LUZP4: variants seen among roughly 807,000 people sequenced by gnomAD.
LUZP4 encodes leucine zipper protein 4.
In LUZP4, 11 loss-of-function variants were observed where a neutral mutation model predicts 8.5. The ratio of observed to expected loss-of-function variants is 1.30; its 90% CI spans 0.82 to 2.14. The LOEUF is 2.14. Ranked by LOEUF, LUZP4 falls within the 30% of genes most tolerant of loss-of-function variation. LUZP4 has a pLI of 0.00. For missense variants in LUZP4, 276 were observed against 229.7 expected (o/e 1.20, Z -1.30); for synonymous variants, 104 against 79.4 (o/e 1.31, Z -1.65).
chrX:115,302,141 T>A lies in LUZP4; in HGVS notation c.223+18T>A. 8.7e-7 allele frequency: 1 copy of A among 1,149,492 alleles called. No homozygotes were observed. Among genetic ancestry groups the A allele is most frequent in the Non-Finnish European group, 1.2e-6 (1 of 866,341 alleles). 94.7% of individuals were successfully genotyped at this position (1,149,492 alleles called of 1,213,427 possible). On this transcript the variant is annotated intron_variant, in intron 2 of 3. Transcript: ENST00000371920. ...TCGGAGAGGTAAAGTATGCTGAAAA[T>A]AGTCACACGTGGTAAAAAGAGTCTG...
At chrX:115,292,851 T>G (rs781989584) in intron 1 of LUZP4, among the ~76,000 whole-genome samples, 4 of 111,198 alleles carry the variant, frequency 3.6e-5, no homozygotes, top group African/African-American at 1.3e-4. Context: ...CTAAGTATTT[T>G]TTGTTGTTGT....
At position 115,306,590 on chromosome X, in the gene LUZP4, G is replaced by A. The variant is rs1556604205; in HGVS notation, c.728G>A (p.Ser243Asn). Residue 243 changes from serine to asparagine, a missense_variant, in exon 4 of 4, where the codon AGT becomes AAT. By Grantham distance (46) the Ser-to-Asn change is conservative (BLOSUM62 1). Coordinates refer to ENST00000371920, the MANE Select transcript of LUZP4 (RefSeq NM_016383.5). Reference protein sequence around the residue: ...RSQGDLVDTQSDLIATQRDLI... With the variant: ...RSQGDLVDTQNDLIATQRDLI... ...CAGGGAGATCTTGTGGACACTCAGA[G>A]TGATCTCATAGCCACTCAGAGAGAT... 8.3e-7 allele frequency: 1 copy of A among 1,206,640 alleles called. No homozygotes were observed. Among genetic ancestry groups the A allele is most frequent in the African/African-American group, 1.8e-5 (1 of 56,283 alleles).
chrX:115,293,516 G>A (rs782279636), intron 1 of LUZP4, among the ~76,000 whole-genome samples: 3 of 110,641 alleles, frequency 2.7e-5, no homozygotes, highest in Admixed American at 1.9e-4. Flanking sequence ...GGGCTCAAGC[G>A]ATCCATCCAC....
intron 1 of LUZP4, among the ~76,000 whole-genome samples, chrX:115,300,920 G>T (rs1159920865): frequency 2.7e-5 from 3 of 111,009 alleles, no homozygotes; most frequent in African/African-American, 9.8e-5. Context: ...TTATGAAGGT[G>T]TTTTTTTCTG....
In LUZP4 at chrX:115,302,078, C is replaced by T; in HGVS notation, c.178C>T (p.Pro60Ser). Residue 60 changes from proline (P) to serine (S), a missense_variant, in exon 2 of 4, where the codon CCT becomes TCT. Pro to Ser is a moderately conservative substitution (Grantham distance 74). Transcript: ENST00000371920. ...KRQNHSKKES[P>S]SRQQSKAHRH... ...ACAGAACCATAGTAAAAAGGAATCGCCTTCAAGACAGCAATCAAAAGCTCA... is the reference window on the plus strand; with the variant it reads ...ACAGAACCATAGTAAAAAGGAATCGTCTTCAAGACAGCAATCAAAAGCTCA... 3.3e-6 allele frequency: 4 copies of T among 1,195,885 alleles called. No individual in the cohort carries two copies. Among genetic ancestry groups the T allele is most frequent in the Non-Finnish European group, 4.5e-6 (4 of 888,093 alleles).
intron 1 of LUZP4, among the ~76,000 whole-genome samples, chrX:115,295,520 A>T (rs1303696469): frequency 2.7e-5 from 3 of 112,230 alleles, no homozygotes; most frequent in Non-Finnish European, 5.6e-5. Flanking sequence ...CTTTTTAACA[A>T]TGCATATCTT....
chrX:115,301,859 T>A, intron 1 of LUZP4, 133 bp from the exon 2 acceptor site: 1 of 337,188 alleles, frequency 3.0e-6, no homozygotes, highest in Non-Finnish European at 5.1e-6. Context: ...AAATTTATTA[T>A]TATTATTATC....
At chrX:115,299,358 C>T (rs1348006109) in intron 1 of LUZP4, among the ~76,000 whole-genome samples, 1 of 111,071 alleles carries the variant, frequency 9.0e-6, no homozygotes, top group Non-Finnish European at 1.9e-5. Flanking sequence ...ACCAGCCAGG[C>T]CTGTGTCCTT....
chrX:115,301,907 T>C (rs2073398878), intron 1 of LUZP4, 85 bp from the exon 2 acceptor site: 2 of 547,221 alleles, frequency 3.7e-6, no homozygotes, highest in South Asian at 6.7e-5. Flanking sequence ...TTCTGAAATA[T>C]GATGAGATAA....
chrX:115,305,547 T>TA (rs2073416482), intron 3 of LUZP4, among the ~76,000 whole-genome samples: 1 of 112,026 alleles, frequency 8.9e-6, no homozygotes, highest in African/African-American at 3.2e-5. Context: ...CTTACATTTA[T>TA]GTAGCATCAT....
intron 3 of LUZP4, 141 bp from the exon 4 acceptor site, chrX:115,306,064 A>G (rs781803171): frequency 2.6e-5 from 16 of 605,439 alleles, no homozygotes; most frequent in Non-Finnish European, 3.5e-5. Context: ...AGTTCTAAAA[A>G]CTGGTTGATA....
chrX:115,306,119 T>TA, intron 3 of LUZP4, 86 bp from the exon 4 acceptor site: 1 of 994,088 alleles, frequency 1.0e-6, no homozygotes, highest in Non-Finnish European at 1.4e-6. Context: ...TAGTTGCCCA[T>TA]AAAAATGGTC....
In LUZP4 at chrX:115,289,778, CTAACGCTTTCTGAA is replaced by C. The variant is rs2073339249; in HGVS notation, c.20_33del (p.Leu7GlnfsTer13). 8.3e-7 allele frequency: 1 copy of C among 1,208,814 alleles called. No individual in the cohort carries two copies. The highest frequency in any genetic ancestry group is 1.1e-6 in the Non-Finnish European group (1 of 893,320). ...AGGGAAGATGGCTTCGTTTCGGAAG[CTAACGCTTTCTGAA>C]AAAGTGCCGCCAAATCATCCCAGTC... On this transcript the variant is annotated frameshift_variant, in exon 1 of 4. Transcript: ENST00000371920. LOFTEE classifies it high-confidence loss of function.
chrX:115,295,305 GT>G (rs1556598537), intron 1 of LUZP4, among the ~76,000 whole-genome samples: 6 of 111,614 alleles, frequency 5.4e-5, no homozygotes. Context: ...TCTCGAACTC[GT>G]GGGCTCGAGC....
Position 115,303,412 on chromosome X carries a change from T to C in LUZP4, c.336T>C (p.Ile112=), listed in dbSNP as rs782198676. 3.6e-6 allele frequency: 4 copies of C among 1,101,037 alleles called. No individual in the cohort carries two copies. Among genetic ancestry groups the C allele is most frequent in the Non-Finnish European group, 4.9e-6 (4 of 813,536 alleles). The allele number at this position is 1,101,037 out of a possible 1,213,427, so 90.7% of individuals were successfully genotyped here. ...GQHPLNGQPL[I]EQEKCSDNYE... Reference sequence around the variant, plus strand: ...ACCCTTTAAATGGGCAGCCTTTAATTGAGCAGGTAGATAAGTACCAAGAAT... The same window carrying C: ...ACCCTTTAAATGGGCAGCCTTTAATCGAGCAGGTAGATAAGTACCAAGAAT... Residue 112 remains isoleucine (I), a synonymous_variant, in exon 3 of 4, where the codon ATT becomes ATC. Transcript: ENST00000371920.
intron 3 of LUZP4, among the ~76,000 whole-genome samples, chrX:115,303,730 T>C (rs1423469262): frequency 8.9e-5 from 10 of 112,306 alleles, no homozygotes; most frequent in Middle Eastern, 4.6e-3. Flanking sequence ...ACAGAGGCTT[T>C]GAGCTTAAGT....
At chrX:115,296,448 A>G (rs1473341332) in intron 1 of LUZP4, among the ~76,000 whole-genome samples, 1 of 111,583 alleles carries the variant, frequency 9.0e-6, no homozygotes, top group East Asian at 2.8e-4. Context: ...GGAGAATATC[A>G]TTACAGAGAG....
Position 115,306,802 on chromosome X carries a change from T to G in LUZP4, c.940T>G (p.Ter314GluextTer38), listed in dbSNP as rs2147408432. 1 of 1,198,009 alleles carries G rather than the reference T, an allele frequency of 8.3e-7. No individual in the cohort carries two copies. The highest frequency in any genetic ancestry group is 2.2e-5 in the Admixed American group (1 of 45,736). ...YSTGKNTITT[*>E] ...AACAGGTAAAAATACAATAACTACTTAATCATCAGAACAATGTGTTGAATT... is the reference window on the plus strand; with the variant it reads ...AACAGGTAAAAATACAATAACTACTGAATCATCAGAACAATGTGTTGAATT... The change falls in exon 4 of 4, where the codon TAA (stop) becomes GAA (glutamate). Residue 314 changes from the stop codon to glutamate, a stop_lost. Coordinates refer to ENST00000371920, the MANE Select transcript of LUZP4 (RefSeq NM_016383.5).
In LUZP4 at chrX:115,306,837, T is replaced by C. The variant is rs1556604624; in HGVS notation, c.*33T>C. The C allele has an allele frequency of 1.8e-6, 2 of 1,135,667 alleles. No individual in the cohort carries two copies. The highest frequency in any genetic ancestry group is 2.4e-6 in the Non-Finnish European group (2 of 831,366). The allele number at this position is 1,135,667 out of a possible 1,213,427, so 93.6% of individuals were successfully genotyped here. Reference sequence around the variant, plus strand: ...AACAATGTGTTGAATTCTGTGGAAATAGAAAAGCATATATCTATATTCTAA... The same window carrying C: ...AACAATGTGTTGAATTCTGTGGAAACAGAAAAGCATATATCTATATTCTAA... On this transcript the variant is annotated 3_prime_UTR_variant, in exon 4 of 4. Transcript: ENST00000371920.
Sources: allele counts gnomAD v4.1 joint callset (sites outside exome capture counted in the v4.1 genomes callset), GRCh38; gene constraint gnomAD v4.1.1; transcripts MANE v1.5; gene names NCBI Gene and HGNC (gene_info 2026-07-23, HGNC 2026-07-21).